The following ADGRG2 variants were observed in gnomAD, a reference collection of about 807,000 sequenced individuals.
ADGRG2 encodes G protein-coupled receptor 64.
ADGRG2 carries 26 observed loss-of-function variants against 74.1 expected under a neutral mutation model. The observed-to-expected ratio is 0.35, with a 90% CI of 0.26 to 0.49. The LOEUF (loss-of-function observed/expected upper bound fraction) is 0.49. Ranked by LOEUF, ADGRG2 falls within the 20% of genes least tolerant of loss-of-function variation. ADGRG2 has a pLI of 0.99. For missense variants in ADGRG2, 619 were observed against 763.1 expected (o/e 0.81, Z 2.22); for synonymous variants, 296 against 295.2 (o/e 1.00, Z -0.03).
chrX:19,003,700 T>A (rs1307411488), intron 23 of ADGRG2, among the ~76,000 whole-genome samples: 1 of 111,837 alleles, frequency 8.9e-6, no homozygotes, highest in Non-Finnish European at 1.9e-5. Context: ...TGACGCATAC[T>A]TTTAAATAGT....
chrX:19,116,098 C>A (rs1468964634), intron 1 of ADGRG2, among the ~76,000 whole-genome samples: 1 of 107,862 alleles, frequency 9.3e-6, no homozygotes, highest in Non-Finnish European at 1.9e-5. Context: ...TGTAGTGCCT[C>A]CAGCTGCTCA....
intron 3 of ADGRG2, among the ~76,000 whole-genome samples, chrX:19,051,355 T>G (rs2061318978): frequency 1.8e-5 from 2 of 111,181 alleles, no homozygotes; most frequent in South Asian, 7.6e-4. Flanking sequence ...ATTATAGGTG[T>G]GAGCCACCGC....
At chrX:18,993,353 A>G (rs1327433537) in intron 28 of ADGRG2, among the ~76,000 whole-genome samples, 1 of 110,526 alleles carries the variant, frequency 9.0e-6, no homozygotes, top group East Asian at 2.8e-4. Context: ...CTTGAAGTTG[A>G]GAAACCTTGA....
chrX:19,109,880 T>C (rs1483405486), intron 1 of ADGRG2, among the ~76,000 whole-genome samples: 1 of 111,782 alleles, frequency 8.9e-6, no homozygotes, highest in Non-Finnish European at 1.9e-5. Context: ...GTTTTTTTCT[T>C]GGTAAAATGT....
intron 1 of ADGRG2, among the ~76,000 whole-genome samples, chrX:19,087,617 C>G (rs1197840643): frequency 3.6e-5 from 4 of 112,231 alleles, no homozygotes; most frequent in Non-Finnish European, 5.6e-5. Flanking sequence ...GGTGTCCATC[C>G]TTGTTAAATT....
rs1245899979 is a variant in ADGRG2, at chrX:19,010,775, A to T, written c.1103T>A (p.Ile368Asn). The T allele has an allele frequency of 8.4e-7, 1 of 1,187,825 alleles. No homozygotes were observed. The highest frequency in any genetic ancestry group is 1.8e-5 in the African/African-American group (1 of 56,598). ...TTSAPPVQTD[I>N]VNTSSISDLE... is the part of the protein sequence containing the mutation. ...ATCAGAAATACTGCTGGTGTTGACG[A>T]TGTCTATATCAAAGAGCCAAATCGT... Residue 368 changes from isoleucine to asparagine, a missense_variant, in exon 17 of 29, where the codon ATC becomes AAC. By Grantham distance (149) the Ile-to-Asn change is moderately radical. Around this residue, in one of 3 missense-constraint regions of ADGRG2, gnomAD observed 292 missense variants for 318.0 expected, o/e 0.92. Coordinates refer to ENST00000379869, the MANE Select transcript of ADGRG2 (RefSeq NM_001079858.3).
intron 1 of ADGRG2, among the ~76,000 whole-genome samples, chrX:19,121,003 T>G (rs1569159059): frequency 2.7e-5 from 3 of 112,062 alleles, no homozygotes; most frequent in Non-Finnish European, 5.6e-5. Context: ...TCTGCACGGA[T>G]GTAGCCAGGC....
chrX:19,036,129 C>T, intron 6 of ADGRG2, 152 bp from the exon 7 acceptor site: 2 of 357,309 alleles, frequency 5.6e-6, no homozygotes, highest in South Asian at 1.2e-4. Flanking sequence ...TTTTTGCTAC[C>T]CATCCTCTCA....
intron 17 of ADGRG2, among the ~76,000 whole-genome samples, chrX:19,010,022 G>A (rs2060320618): frequency 9.1e-6 from 1 of 110,263 alleles, no homozygotes; most frequent in African/African-American, 3.3e-5. Flanking sequence ...TGTTGGCCAG[G>A]ATGGTCTCGA....
chrX:19,090,432 C>T (rs745541085), intron 1 of ADGRG2, among the ~76,000 whole-genome samples: 4 of 111,521 alleles, frequency 3.6e-5, no homozygotes, highest in Non-Finnish European at 7.5e-5. Context: ...TGGTTTAAGA[C>T]CCCCTCCCTC....
chrX:19,077,151 G>A (rs1207697681), intron 2 of ADGRG2, among the ~76,000 whole-genome samples: 2 of 110,420 alleles, frequency 1.8e-5, no homozygotes, highest in African/African-American at 3.3e-5. Context: ...GCAAGAAAGA[G>A]GAGAAACAGC....
intron 1 of ADGRG2, among the ~76,000 whole-genome samples, chrX:19,109,581 C>T (rs1449178683): frequency 8.9e-6 from 1 of 111,800 alleles, no homozygotes; most frequent in Non-Finnish European, 1.9e-5. Context: ...TTCAATAACA[C>T]ACACGGCTTA....
chrX:19,054,396 C>A (rs1268155076), intron 3 of ADGRG2, among the ~76,000 whole-genome samples: 1 of 111,786 alleles, frequency 8.9e-6, no homozygotes, highest in Non-Finnish European at 1.9e-5. Flanking sequence ...CATGGTCTCC[C>A]TAGGGGTCAC....
At chrX:19,080,342 C>T (rs2061826158) in intron 2 of ADGRG2, among the ~76,000 whole-genome samples, 1 of 111,399 alleles carries the variant, frequency 9.0e-6, no homozygotes, top group Non-Finnish European at 1.9e-5. Context: ...CTTCATCTCT[C>T]TCCCCTCATT....
intron 28 of ADGRG2, among the ~76,000 whole-genome samples, chrX:18,992,346 G>A (rs995753555): frequency 5.3e-5 from 6 of 112,575 alleles, no homozygotes; most frequent in Non-Finnish European, 1.1e-4. Flanking sequence ...CTGGAGTGCA[G>A]TGGTGAGATC....
intron 15 of ADGRG2, among the ~76,000 whole-genome samples, chrX:19,016,906 G>GT (rs1306612346): frequency 9.1e-6 from 1 of 109,739 alleles, no homozygotes; most frequent in East Asian, 2.9e-4. Context: ...TTTAAAAACT[G>GT]TTTGTAGAGA....
intron 4 of ADGRG2, among the ~76,000 whole-genome samples, chrX:19,039,071 TCACAA>T (rs2061002511): frequency 9.0e-6 from 1 of 111,506 alleles, no homozygotes; most frequent in Non-Finnish European, 1.9e-5. Flanking sequence ...CATTCCGTCT[TCACAA>T]CTACCCGACA....
rs752151709 is a variant in ADGRG2 at position 19,097,087 on chromosome X, GC to G, written c.-46-14342del. 3.8e-4 allele frequency among the ~76,000 whole-genome samples: 43 copies of G among 112,412 alleles called. 1 individual carries two copies. The Admixed American group carries it at 3.9e-3, about 10-fold the overall frequency. On this transcript the variant is annotated intron_variant, in intron 1 of 28. Transcript: ENST00000379869. ...CTCCTTGGCCATGCCACTCCACCCAGCCCCTCTCTGCCTCCCCTCCTTATGC... is the reference window on the plus strand; with the variant it reads ...CTCCTTGGCCATGCCACTCCACCCAGCCCTCTCTGCCTCCCCTCCTTATGC...
intron 1 of ADGRG2, among the ~76,000 whole-genome samples, chrX:19,091,866 A>T (rs1470994595): frequency 1.8e-5 from 2 of 112,589 alleles, no homozygotes; most frequent in African/African-American, 6.5e-5. Context: ...TAATTACGGT[A>T]TTCGAGGTGA....
Sources: allele counts gnomAD v4.1 joint callset (sites outside exome capture counted in the v4.1 genomes callset), GRCh38; gene constraint gnomAD v4.1.1; regional missense constraint gnomAD v4.1.1; transcripts MANE v1.5; gene names NCBI Gene and HGNC (gene_info 2026-07-23, HGNC 2026-07-21).